The following ZAN variants were observed in gnomAD, a reference collection of about 807,000 sequenced individuals.
ZAN encodes zonadhesin (gene/pseudogene).
Under a neutral mutation model 286.2 loss-of-function variants are expected in ZAN, and 260 were observed. The ratio of observed to expected loss-of-function variants is 0.91; its 90% CI spans 0.82 to 1.01. The LOEUF (loss-of-function observed/expected upper bound fraction) is 1.01, where lower values mean the gene tolerates loss of function less well. Ranked by LOEUF, ZAN falls within the 50% of genes least tolerant of loss-of-function variation. ZAN has a pLI of 0.00. For synonymous variants in ZAN, 1,368 were observed against 1,417.5 expected, an observed-to-expected ratio of 0.97 and a Z score of 0.79; for missense variants, 3,410 against 3,639.2, an observed-to-expected ratio of 0.94 and a Z score of 1.62.
chr7:100,778,843 G>A (rs868488077), intron 34 of ZAN, among the ~76,000 whole-genome samples: 4 of 152,092 alleles, frequency 2.6e-5, no homozygotes, highest in African/African-American at 9.7e-5. Context: ...GACCAGCCTT[G>A]CCAACATGGT....
chr7:100,780,141 C>T (rs960168597), intron 35 of ZAN, among the ~76,000 whole-genome samples: 10 of 150,886 alleles, frequency 6.6e-5, no homozygotes, highest in African/African-American at 2.2e-4. Flanking sequence ...TGTAGTGAGC[C>T]GAGATCGCGC....
chr7:100,769,920 A>C lies in ZAN; in HGVS notation c.5194A>C (p.Asn1732His). ...TGGCAAGCCCTCCAGCTGCCAGGAG[A>C]ACAGCATGGCAGACGCCTGGAACAA... is the stretch of plus-strand genomic sequence containing the variant. ...VGGKPSSCQE[N>H]SMADAWNKNC... The change falls in exon 28 of 48, where the codon AAC (asparagine) becomes CAC (histidine). Residue 1732 changes from asparagine to histidine, a missense_variant. Transcript: ENST00000613979. The C allele has an allele frequency of 6.4e-7, 1 of 1,565,820 alleles. No homozygotes were observed. The highest frequency in any genetic ancestry group is 1.2e-5 in the South Asian group (1 of 84,892).
In ZAN at chr7:100,753,053, C is replaced by T. The variant is rs745947759; in HGVS notation, c.2948C>T (p.Pro983Leu). 6.2e-7 allele frequency: 1 copy of T among 1,612,594 alleles called. No individual in the cohort carries two copies. The highest frequency in any genetic ancestry group is 8.5e-7 in the Non-Finnish European group (1 of 1,179,268). Residue 983 changes from proline to leucine, a missense_variant, in exon 14 of 48, where the codon CCC (proline) becomes CTC (leucine). By Grantham distance (98) the Pro-to-Leu change is moderately conservative. Around this residue, in one of 7 missense-constraint regions of ZAN, gnomAD observed 1,042 missense variants for 1,058.0 expected, o/e 0.98. Coordinates refer to ENST00000613979, the MANE Select transcript of ZAN (RefSeq NM_003386.3). ...TEKLTIPTEK[P>L]TIPTEKPTIP... ...AAACTTACCATCCCCACGGAAAAAC[C>T]CACCATCCCCACAGAAAAACCCACC...
chr7:100,747,997 A>G (rs1162613818), intron 9 of ZAN, 140 bp from the exon 10 acceptor site: 2 of 720,248 alleles, frequency 2.8e-6, no homozygotes, highest in Non-Finnish European at 4.5e-6. Flanking sequence ...GAAAAAAAAA[A>G]AAAAAGAAAG....
intron 7 of ZAN, among the ~76,000 whole-genome samples, chr7:100,744,521 C>T (rs2115712776): frequency 6.6e-6 from 1 of 151,172 alleles, no homozygotes; most frequent in African/African-American, 2.4e-5. Context: ...TTGTTTGAAC[C>T]TGGGAGGCGG....
Position 100,763,949 on chromosome 7 carries a change from G to T in ZAN, c.4097+33G>T. On this transcript the variant is annotated intron_variant, in intron 21 of 47. Coordinates refer to ENST00000613979, the MANE Select transcript of ZAN (RefSeq NM_003386.3). This position sits in a 1 kb window ranked among gnomAD's most constrained non-coding sequence, Gnocchi z 4.6. ...GGAGGGCAGGCAGGGTCGCACAGGG[G>T]CGATGCTTGGCACCTGGGCTCCTCC... is the stretch of plus-strand genomic sequence containing the variant. 1.3e-6 allele frequency: 2 copies of T among 1,599,266 alleles called. No homozygotes were observed. The highest frequency in any genetic ancestry group is 1.7e-6 in the Non-Finnish European group (2 of 1,173,566).
At position 100,746,637 on chromosome 7, in the gene ZAN, C is replaced by T. The variant is rs911748674; in HGVS notation, c.866C>T (p.Ser289Phe). ...VSLSSGCLSF[S>F]FHYILRGQSP... is the part of the protein sequence containing the mutation. ...CTGTCCTCTGGCTGTCTGAGCTTTTCCTTCCACTACATCCTCCGGGGCCAG... is the reference window on the plus strand; with the variant it reads ...CTGTCCTCTGGCTGTCTGAGCTTTTTCTTCCACTACATCCTCCGGGGCCAG... The change falls in exon 8 of 48, where the codon TCC becomes TTC. Residue 289 changes from serine to phenylalanine, a missense_variant. Transcript: ENST00000613979. The T allele has an allele frequency of 6.2e-7, 1 of 1,614,024 alleles. No individual in the cohort carries two copies. Among genetic ancestry groups the T allele is most frequent in the Non-Finnish European group, 8.5e-7 (1 of 1,179,900 alleles).
rs1809439043 is a variant in ZAN at position 100,759,987 on chromosome 7, G to A, written c.3696+142G>A. The A allele has an allele frequency of 2.2e-6, 3 of 1,350,158 alleles. No homozygotes were observed. In the South Asian group the frequency reaches 4.7e-5, roughly 21 times the overall value. 83.6% of individuals were successfully genotyped at this position (1,350,158 alleles called of 1,614,324 possible). On this transcript the variant is annotated intron_variant, in intron 18 of 47. Coordinates refer to ENST00000613979, the MANE Select transcript of ZAN (RefSeq NM_003386.3). ...CCAGCTCCTTGGGAGGCTAAAGTGG[G>A]AGGATTGCTTGAGGCCAGGAGTTTG...
chr7:100,751,759 G>T lies in ZAN; in HGVS notation c.1654G>T (p.Gly552Cys). 1 of 1,601,526 alleles carries T rather than the reference G, an allele frequency of 6.2e-7. No homozygotes were observed. The highest frequency in any genetic ancestry group is 2.2e-5 in the East Asian group (1 of 44,788). The change falls in exon 14 of 48, where the codon GGC becomes TGC. Residue 552 changes from glycine (G) to cysteine (C), a missense_variant. This residue lies in a region of ZAN where 872 missense variants were observed against 938.9 expected (regional missense o/e 0.93). Coordinates refer to ENST00000613979, the MANE Select transcript of ZAN (RefSeq NM_003386.3). ...TCCCGTATCTCCAGTTTCTTCCACT[G>T]GCCCTTCTGAAACCACTGGCCTCAC... is the stretch of plus-strand genomic sequence containing the variant. ...LPPVSPVSSTGPSETTGLTEN... is the reference protein window; with the variant it reads ...LPPVSPVSSTCPSETTGLTEN...
Position 100,736,932 on chromosome 7 carries a change from T to C in ZAN, c.377T>C (p.Leu126Pro), listed in dbSNP as rs1292905991. ...CACTTTGCCCACCACATGTTCGGGC[T>C]GTCTTGGGGCGCCCAGCTCAGGCTG... ...CVHFAHHMFGLSWGAQLRLLL... is the reference protein window; with the variant it reads ...CVHFAHHMFGPSWGAQLRLLL... Residue 126 changes from leucine to proline, a missense_variant, in exon 5 of 48, where the codon CTG (leucine) becomes CCG (proline). Around this residue, in one of 7 missense-constraint regions of ZAN, gnomAD observed 872 missense variants for 938.9 expected, o/e 0.93. Transcript: ENST00000613979. 50 of 1,500,234 alleles carry C rather than the reference T, an allele frequency of 3.3e-5. 8 individuals carry two copies. Among genetic ancestry groups the C allele is most frequent in the Non-Finnish European group, 4.4e-5 (48 of 1,096,568 alleles). The allele number at this position is 1,500,234 out of a possible 1,614,324, so 92.9% of individuals were successfully genotyped here.
chr7:100,740,610 G>A (rs1807668533), intron 7 of ZAN, among the ~76,000 whole-genome samples: 3 of 18,800 alleles, frequency 1.6e-4, no homozygotes, highest in Non-Finnish European at 3.2e-4. Flanking sequence ...AGAGCACAGG[G>A]TTGGGGGTAA....
chr7:100,758,010 C>T (rs926436141), intron 15 of ZAN, among the ~76,000 whole-genome samples, 192 bp from the exon 16 acceptor site: 3 of 151,210 alleles, frequency 2.0e-5, no homozygotes, highest in Non-Finnish European at 2.9e-5. Flanking sequence ...GGTTTGAGCC[C>T]AGGGGGTCAA....
At chr7:100,762,874 G>A (rs1182350847) in intron 20 of ZAN, among the ~76,000 whole-genome samples, 2 of 151,582 alleles carry the variant, frequency 1.3e-5, no homozygotes, top group African/African-American at 4.8e-5. Context: ...CAAGTAGCTT[G>A]GACTACACCA....
In ZAN at chr7:100,763,949, G is replaced by A; in HGVS notation, c.4097+33G>A. On this transcript the variant is annotated intron_variant, in intron 21 of 47. Transcript: ENST00000613979. The surrounding 1 kb of genome is among the most constrained non-coding windows in gnomAD (Gnocchi z 4.6). ...GGAGGGCAGGCAGGGTCGCACAGGG[G>A]CGATGCTTGGCACCTGGGCTCCTCC... 2 of 1,599,266 alleles carry A rather than the reference G, an allele frequency of 1.3e-6. No homozygotes were observed. The highest frequency in any genetic ancestry group is 1.7e-6 in the Non-Finnish European group (2 of 1,173,566).
chr7:100,795,309 C>T lies in ZAN; in HGVS notation c.8239C>T (p.Arg2747Ter), dbSNP rs370421043. The change falls in exon 45 of 48, where the codon CGA (arginine) becomes TGA (stop). Residue 2747 changes from arginine (R) to a stop codon, truncating the protein, a stop_gained. Transcript: ENST00000613979. LOFTEE classifies it high-confidence loss of function. ...GYGGGLCMEP[R>*]DAPPPRKPAS... ...CGGGGGAGGCCTGTGTATGGAGCCT[C>T]GAGATGCGCCACCTCCCAGAAAGCC... is the stretch of plus-strand genomic sequence containing the variant. 23 of 1,596,734 alleles carry T rather than the reference C, an allele frequency of 1.4e-5. No individual in the cohort carries two copies. The East Asian group carries it at 3.9e-4, about 27-fold the overall frequency.
At chr7:100,744,363 C>T (rs935960926) in intron 7 of ZAN, among the ~76,000 whole-genome samples, 2 of 150,012 alleles carry the variant, frequency 1.3e-5, no homozygotes, top group Non-Finnish European at 3.0e-5. Flanking sequence ...CTTTGGGAGG[C>T]GGAGGCAGGT....
chr7:100,790,822 G>A, intron 39 of ZAN, 120 bp from the exon 40 acceptor site: 2 of 1,113,026 alleles, frequency 1.8e-6, no homozygotes, highest in Non-Finnish European at 2.5e-6. Context: ...GGCGGAGGTT[G>A]CAGTGAGCCA....
In ZAN at chr7:100,784,802, G is replaced by T; in HGVS notation, c.6802G>T (p.Gly2268Cys). 6.2e-7 allele frequency: 1 copy of T among 1,607,936 alleles called. No individual in the cohort carries two copies. Among genetic ancestry groups the T allele is most frequent in the South Asian group, 1.1e-5 (1 of 90,628 alleles). ...EDKCVPRSQC[G>C]CKDAHGGSIP... The stretch of plus-strand genomic sequence containing the variant: ...CAAGTGTGTCCCCAGAAGTCAGTGT[G>T]GCTGCAAGGATGCCCATGGTGGCTC... Residue 2268 changes from glycine to cysteine, a missense_variant, in exon 36 of 48, where the codon GGC becomes TGC. Transcript: ENST00000613979.
At chr7:100,792,876 T>C (rs995172183) in intron 42 of ZAN, among the ~76,000 whole-genome samples, 7 of 145,582 alleles carry the variant, frequency 4.8e-5, no homozygotes, top group African/African-American at 1.8e-4. Context: ...CTTTGGGAGG[T>C]TGAGGCTGGA....
Sources: gnomAD v4.1 joint callset for allele counts (sites outside exome capture counted in the v4.1 genomes callset) on GRCh38, gnomAD v4.1.1 for gene constraint, gnomAD v4.1.1 regional missense constraint, Gnocchi (gnomAD v3.1) non-coding constraint, MANE v1.5 for transcripts, NCBI Gene and HGNC (gene_info 2026-07-23, HGNC 2026-07-21) for gene names.